The following EXT1 variants were observed in gnomAD, a reference collection of about 807,000 sequenced individuals.
EXT1 encodes the protein exostosin glycosyltransferase 1.
A neutral mutation model predicts 82.5 loss-of-function variants in EXT1; 20 were observed. That is an observed-to-expected ratio of 0.24 (90% CI 0.17 to 0.35). The LOEUF is 0.35. Among genes scored for constraint, EXT1 ranks in the 10% least tolerant of loss-of-function variants. The pLI, the probability that EXT1 is intolerant of heterozygous loss-of-function variation, is 1.00. For synonymous variants in EXT1, 348 were observed against 350.8 expected (o/e 0.99, Z 0.09); for missense variants, 757 against 936.5 (o/e 0.81, Z 2.50).
intron 6 of EXT1, 89 bp from the exon 7 acceptor site, chr8:117,818,619 G>GA: frequency 9.4e-7 from 1 of 1,059,764 alleles, no homozygotes; most frequent in African/African-American, 1.6e-5. Context: ...GACAGAAAGA[G>GA]AAAGAGGAGC....
At position 117,794,646 on chromosome 8, in the gene EXT1, G is replaced by A. The variant is rs1054495771; in HGVS notation, c.*5066C>T. 1 of 151,976 alleles carries A rather than the reference G, an allele frequency of 6.6e-6. No individual in the cohort carries two copies. The highest frequency in any genetic ancestry group is 1.5e-5 in the Non-Finnish European group (1 of 68,010). 9.4% of individuals were successfully genotyped at this position (151,976 alleles called of 1,614,324 possible). ...GTCAGTGAAGTAAATCAATATCTAT[G>A]GCTTTGTATTTTCTCACACGCGCTC... On this transcript the variant is annotated 3_prime_UTR_variant, in exon 11 of 11. Transcript: ENST00000378204.
Position 118,110,532 on chromosome 8 carries a change from T to C in EXT1, c.515A>G (p.His172Arg). ...DRDQLSPQYV[H>R]NLRSKVQSLH... ...ACTCTGCACTTTGGATCTCAAATTG[T>C]GCACATACTGAGGTGACAACTGGTC... Residue 172 changes from histidine (H) to arginine (R), a missense_variant, in exon 1 of 11, where the codon CAC becomes CGC. Physicochemically the swap from His to Arg is conservative, Grantham distance 29. Around this residue, in one of 4 missense-constraint regions of EXT1, gnomAD observed 247 missense variants for 330.1 expected, o/e 0.75. Transcript: ENST00000378204. The C allele has an allele frequency of 6.2e-7, 1 of 1,614,152 alleles. No homozygotes were observed. The highest frequency in any genetic ancestry group is 8.5e-7 in the Non-Finnish European group (1 of 1,180,038).
In EXT1 at chr8:117,927,491, CA is replaced by C. The variant is rs139319580; in HGVS notation, c.963-90291del. On this transcript the variant is annotated intron_variant, in intron 1 of 10. Coordinates refer to ENST00000378204, the MANE Select transcript of EXT1 (RefSeq NM_000127.3). ...ACTGCATTTAACAAACACATCATGT[CA>C]GTAGTCTAGCTGAGGGGAAAATCAC... Among the ~76,000 whole-genome samples the C allele has an allele frequency of 3.7e-3, 552 of 147,220 alleles. 4 individuals carry two copies. The highest frequency in any genetic ancestry group is 0.013 in the African/African-American group (506 of 39,960).
intron 1 of EXT1, among the ~76,000 whole-genome samples, chr8:118,035,582 C>T (rs536581630): frequency 2.0e-4 from 30 of 151,852 alleles, no homozygotes; most frequent in Non-Finnish European, 3.1e-4. Flanking sequence ...CATGTAAGTT[C>T]TATAACTCAA....
chr8:118,109,358 T>C lies in EXT1; in HGVS notation c.962+727A>G, dbSNP rs1244916906. On this transcript the variant is annotated intron_variant, in intron 1 of 10. Transcript: ENST00000378204. ...TTAGACAGTGAGACTGAGGCCCACATTTAAAAAAAAAAAAAAAGTTTATCC... is the reference window on the plus strand; with the variant it reads ...TTAGACAGTGAGACTGAGGCCCACACTTAAAAAAAAAAAAAAAGTTTATCC... Among the ~76,000 whole-genome samples, 3 of 69,178 alleles carry C rather than the reference T, an allele frequency of 4.3e-5. No individual in the cohort carries two copies. The South Asian group carries it at 1.3e-3, about 31-fold the overall frequency. 45.4% of individuals were successfully genotyped at this position (69,178 alleles called of 152,430 possible).
At chr8:117,920,395 C>T (rs988155400) in intron 1 of EXT1, among the ~76,000 whole-genome samples, 4 of 152,202 alleles carry the variant, frequency 2.6e-5, no homozygotes, top group South Asian at 2.1e-4. Flanking sequence ...AGCCACCGCA[C>T]CTGGCCCAAT....
chr8:117,813,626 A>T (rs1412734414), intron 7 of EXT1, among the ~76,000 whole-genome samples: 2 of 152,238 alleles, frequency 1.3e-5, no homozygotes, highest in Non-Finnish European at 2.9e-5. Context: ...GAAAAAATAT[A>T]TACACATATA....
chr8:117,838,881 T>C (rs1470033753), intron 1 of EXT1, among the ~76,000 whole-genome samples: 2 of 152,146 alleles, frequency 1.3e-5, no homozygotes, highest in Non-Finnish European at 2.9e-5. Context: ...GTTTAATAAG[T>C]ACCCAGAATA....
chr8:117,977,180 A>C (rs947777542), intron 1 of EXT1, among the ~76,000 whole-genome samples: 2 of 152,092 alleles, frequency 1.3e-5, no homozygotes. Context: ...TGAGGTCAGG[A>C]GTTTGAGACC....
intron 1 of EXT1, among the ~76,000 whole-genome samples, chr8:118,059,153 C>T (rs1816841928): frequency 6.6e-6 from 1 of 152,240 alleles, no homozygotes; most frequent in African/African-American, 2.4e-5. Flanking sequence ...TATTTCAATA[C>T]TGTGTTTCAG....
At chr8:117,844,851 T>C (rs1812327890) in intron 1 of EXT1, among the ~76,000 whole-genome samples, 3 of 152,116 alleles carry the variant, frequency 2.0e-5, no homozygotes, top group East Asian at 1.9e-4. Context: ...GCACTCGCTA[T>C]TTGGAGGTGG....
intron 1 of EXT1, among the ~76,000 whole-genome samples, chr8:117,858,801 A>AGGC (rs1337551880): frequency 1.0e-4 from 9 of 89,128 alleles, no homozygotes; most frequent in Non-Finnish European, 1.3e-4. Context: ...AAGGCAAGGC[A>AGGC]AGGCAAGGCA....
At chr8:117,800,014 G>T in intron 10 of EXT1, 117 bp from the exon 11 acceptor site, 1 of 1,076,614 alleles carries the variant, frequency 9.3e-7, no homozygotes, top group Non-Finnish European at 1.4e-6. Context: ...GTCTGGCCCG[G>T]CCACCAAGTC....
At chr8:118,092,729 A>G (rs1284990840) in intron 1 of EXT1, among the ~76,000 whole-genome samples, 2 of 152,248 alleles carry the variant, frequency 1.3e-5, no homozygotes, top group Admixed American at 1.3e-4. Flanking sequence ...CGGTGTGGAC[A>G]GAAAAACGTG....
chr8:117,914,312 AG>A (rs1813705957), intron 1 of EXT1, among the ~76,000 whole-genome samples: 1 of 152,220 alleles, frequency 6.6e-6, no homozygotes, highest in Admixed American at 6.5e-5. Flanking sequence ...TCGTAAGCTG[AG>A]GATGTACGTC....
At chr8:117,819,620 A>G in intron 6 of EXT1, 56 bp downstream of exon 6, 1 of 1,453,008 alleles carries the variant, frequency 6.9e-7, no homozygotes, top group Non-Finnish European at 9.7e-7. Context: ...AGGAGGGCGG[A>G]GTCTCTGGTC....
intron 1 of EXT1, among the ~76,000 whole-genome samples, chr8:118,006,342 G>A (rs1037760681): frequency 1.3e-5 from 2 of 152,150 alleles, no homozygotes; most frequent in Non-Finnish European, 2.9e-5. Context: ...TGTAAAAAAT[G>A]TCAGAATTAT....
chr8:117,993,937 G>T (rs1173283349), intron 1 of EXT1, among the ~76,000 whole-genome samples: 1 of 152,168 alleles, frequency 6.6e-6, no homozygotes, highest in African/African-American at 2.4e-5. Context: ...ATGGCCAATG[G>T]CTTCTTTTCC....
intron 1 of EXT1, among the ~76,000 whole-genome samples, chr8:117,950,595 T>C (rs1814473820): frequency 6.6e-6 from 1 of 152,208 alleles, no homozygotes; most frequent in African/African-American, 2.4e-5. Context: ...AGAAAAGCTA[T>C]CTTCTGCCAA....
Sources: allele counts gnomAD v4.1 joint callset (sites outside exome capture counted in the v4.1 genomes callset), GRCh38; gene constraint gnomAD v4.1.1; regional missense constraint gnomAD v4.1.1; transcripts MANE v1.5; gene names NCBI Gene and HGNC (gene_info 2026-07-23, HGNC 2026-07-21).